ZNF703: variants seen among roughly 807,000 people sequenced by gnomAD.
ZNF703 encodes the protein zinc finger protein 703.
ZNF703 carries 18 observed loss-of-function variants against 30.7 expected under a neutral mutation model. The ratio of observed to expected loss-of-function variants is 0.59; its 90% CI spans 0.40 to 0.87. The LOEUF (loss-of-function observed/expected upper bound fraction) is 0.87, where lower values mean the gene tolerates loss of function less well. Among genes scored for constraint, ZNF703 ranks in the 40% least tolerant of loss-of-function variants. The pLI, the probability that ZNF703 is intolerant of heterozygous loss-of-function variation, is 0.00. For missense variants in ZNF703, 814 were observed against 847.8 expected (o/e 0.96, Z 0.50); for synonymous variants, 457 against 438.6 (o/e 1.04, Z -0.52).
At position 37,696,428 on chromosome 8, in the gene ZNF703, G is replaced by T. The variant is rs777811847; in HGVS notation, c.243+206G>T. ...TCCCCGTGGAAGGGTCTCCTTCCAC[G>T]CTCGCCCTTCGGAGCTCCGTGTTTT... On this transcript the variant is annotated intron_variant, in intron 1 of 1. Coordinates refer to ENST00000331569, the MANE Select transcript of ZNF703 (RefSeq NM_025069.3). This position sits in a 1 kb window ranked among gnomAD's most constrained non-coding sequence, Gnocchi z 8.2. 1.9e-3 allele frequency among the ~76,000 whole-genome samples: 293 copies of T among 152,148 alleles called. 1 individual carries two copies. Among genetic ancestry groups the T allele is most frequent in the Non-Finnish European group, 3.3e-3 (221 of 67,966 alleles).
intron 1 of ZNF703, 75 bp from the exon 2 acceptor site, chr8:37,697,055 GCCGCCGCCCAGCTCC>G: frequency 7.4e-7 from 1 of 1,357,924 alleles, no homozygotes. Context: ...GCCCCGTGGC[GCCGCCGCCCAGCTCC>G]CCGGGCGCCC....
chr8:37,697,485 C>G lies in ZNF703; in HGVS notation c.584C>G (p.Pro195Arg). 1 of 1,536,676 alleles carries G rather than the reference C, an allele frequency of 6.5e-7. No individual in the cohort carries two copies. Among genetic ancestry groups the G allele is most frequent in the Non-Finnish European group, 8.7e-7 (1 of 1,146,138 alleles). Residue 195 changes from proline to arginine, a missense_variant, in exon 2 of 2, where the codon CCC becomes CGC. Transcript: ENST00000331569. ...SPGDKAGFRV[P>R]SAACPPFPPH... ...GGAGACAAGGCGGGCTTCAGGGTCC[C>G]CAGCGCCGCCTGCCCGCCCTTTCCC...
At position 37,695,958 on chromosome 8, in the gene ZNF703, C is replaced by A; in HGVS notation, c.-22C>A. 2 of 1,482,158 alleles carry A rather than the reference C, an allele frequency of 1.3e-6. No homozygotes were observed. The highest frequency in any genetic ancestry group is 1.8e-6 in the Non-Finnish European group (2 of 1,114,744). 91.8% of individuals were successfully genotyped at this position (1,482,158 alleles called of 1,614,324 possible). ...GTGCTCCCCCGCCCTCCCCGCCCCCCCAGCGGCGCTGCCTCCTCCAAATGA... is the reference window on the plus strand; with the variant it reads ...GTGCTCCCCCGCCCTCCCCGCCCCCACAGCGGCGCTGCCTCCTCCAAATGA... On this transcript the variant is annotated 5_prime_UTR_variant, in exon 1 of 2. Coordinates refer to ENST00000331569, the MANE Select transcript of ZNF703 (RefSeq NM_025069.3).
At position 37,697,574 on chromosome 8, in the gene ZNF703, TC is replaced by T; in HGVS notation, c.677del (p.Pro226ArgfsTer33). 1 of 1,464,424 alleles carries T rather than the reference TC, an allele frequency of 6.8e-7. No individual in the cohort carries two copies. 90.7% of individuals were successfully genotyped at this position (1,464,424 alleles called of 1,614,324 possible). On this transcript the variant is annotated frameshift_variant, in exon 2 of 2. Coordinates refer to ENST00000331569, the MANE Select transcript of ZNF703 (RefSeq NM_025069.3). LOFTEE classifies it high-confidence loss of function. Reference sequence around the variant, plus strand: ...GTCGCCCGGCGGCTCCCGCGGCGGCTCCCCGCACCACTCTGACTGCAAGAAC... The same window carrying T: ...GTCGCCCGGCGGCTCCCGCGGCGGCTCCCGCACCACTCTGACTGCAAGAAC... ...SSSPGGSRGG[S>X]PHHSDCKNGG...
In ZNF703 at chr8:37,696,108, C is replaced by G. The variant is rs1445049980; in HGVS notation, c.129C>G (p.Arg43=). Reference sequence around the variant, plus strand: ...TCTTGCCACCGGCGGACCCCCTGCGCCAGGCGAACCGGCTCCCGATCAGGG... The same window carrying G: ...TCTTGCCACCGGCGGACCCCCTGCGGCAGGCGAACCGGCTCCCGATCAGGG... ...VSLLPPADPL[R]QANRLPIRVL... The change falls in exon 1 of 2, where the codon CGC becomes CGG. Residue 43 remains arginine, a synonymous_variant. Coordinates refer to ENST00000331569, the MANE Select transcript of ZNF703 (RefSeq NM_025069.3). The surrounding 1 kb of genome is among the most constrained non-coding windows in gnomAD (Gnocchi z 8.2). 14 of 1,604,440 alleles carry G rather than the reference C, an allele frequency of 8.7e-6. No homozygotes were observed. The African/African-American group carries it at 1.9e-4, about 21-fold the overall frequency.
In ZNF703 at chr8:37,697,565, C is replaced by G. The variant is rs540281736; in HGVS notation, c.664C>G (p.Arg222Gly). 4.1e-6 allele frequency: 6 copies of G among 1,467,446 alleles called. No individual in the cohort carries two copies. The highest frequency in any genetic ancestry group is 5.4e-6 in the Non-Finnish European group (6 of 1,115,020). The allele number at this position is 1,467,446 out of a possible 1,614,324, so 90.9% of individuals were successfully genotyped here. A position where few individuals can be genotyped will look rare whatever the true frequency, so the allele number is the denominator to read the frequency against. ...SSSSSSPGGS[R>G]GGSPHHSDCK... ...GTCCTCGTCGTCGCCCGGCGGCTCC[C>G]GCGGCGGCTCCCCGCACCACTCTGA... is the stretch of plus-strand genomic sequence containing the variant. Residue 222 changes from arginine to glycine, a missense_variant, in exon 2 of 2, where the codon CGC becomes GGC. By Grantham distance (125) the Arg-to-Gly change is moderately radical. Coordinates refer to ENST00000331569, the MANE Select transcript of ZNF703 (RefSeq NM_025069.3).
Position 37,695,905 on chromosome 8 carries a change from C to T in ZNF703, c.-75C>T, listed in dbSNP as rs977387427. The T allele has an allele frequency of 2.2e-4, 288 of 1,302,822 alleles. 1 individual carries two copies. In the Middle Eastern group the frequency reaches 5.6e-3, roughly 25 times the overall value. The allele number at this position is 1,302,822 out of a possible 1,614,324, so 80.7% of individuals were successfully genotyped here. ...CCGCGATCGACGCTGCGGAGCGAGC[C>T]CACCCGCCCCGGGAGCTCGCCTCCC... On this transcript the variant is annotated 5_prime_UTR_variant, in exon 1 of 2. Coordinates refer to ENST00000331569, the MANE Select transcript of ZNF703 (RefSeq NM_025069.3).
In ZNF703 at chr8:37,695,921, C is replaced by T; in HGVS notation, c.-59C>T. On this transcript the variant is annotated 5_prime_UTR_variant, in exon 1 of 2. Coordinates refer to ENST00000331569, the MANE Select transcript of ZNF703 (RefSeq NM_025069.3). The stretch of plus-strand genomic sequence containing the variant: ...GGAGCGAGCCCACCCGCCCCGGGAG[C>T]TCGCCTCCCCGGTGCTCCCCCGCCC... 1 of 1,319,528 alleles carries T rather than the reference C, an allele frequency of 7.6e-7. No homozygotes were observed. Among genetic ancestry groups the T allele is most frequent in the Middle Eastern group, 2.8e-4 (1 of 3,570 alleles). 81.7% of individuals were successfully genotyped at this position (1,319,528 alleles called of 1,614,324 possible). A position where few individuals can be genotyped will look rare whatever the true frequency, so the allele number is the denominator to read the frequency against.
Position 37,698,177 on chromosome 8 carries a change from G to C in ZNF703, c.1276G>C (p.Ala426Pro), listed in dbSNP as rs1187999652. The change falls in exon 2 of 2, where the codon GCC (alanine) becomes CCC (proline). Residue 426 changes from alanine (A) to proline (P), a missense_variant. Transcript: ENST00000331569. Reference protein sequence around the residue: ...LVYPGHPLQPAALSSSAAQAA... With the variant: ...LVYPGHPLQPPALSSSAAQAA... ...GTACCCCGGGCACCCGCTGCAGCCC[G>C]CCGCGCTCTCGTCCAGCGCCGCCCA... is the stretch of plus-strand genomic sequence containing the variant. The C allele has an allele frequency of 6.5e-7, 1 of 1,527,364 alleles. No individual in the cohort carries two copies. The highest frequency in any genetic ancestry group is 2.5e-5 in the East Asian group (1 of 40,054). The allele number at this position is 1,527,364 out of a possible 1,614,324, so 94.6% of individuals were successfully genotyped here.
At position 37,697,813 on chromosome 8, in the gene ZNF703, G is replaced by T. The variant is rs1443176998; in HGVS notation, c.912G>T (p.Ser304=). The change falls in exon 2 of 2, where the codon TCG becomes TCT. Residue 304 remains serine (S), a synonymous_variant. Coordinates refer to ENST00000331569, the MANE Select transcript of ZNF703 (RefSeq NM_025069.3). The part of the protein sequence containing the change: ...APVSPYKPGH[S]VFPLPPSSIG... ...TGTCTCCCTACAAGCCGGGCCACTC[G>T]GTGTTCCCGCTGCCGCCCTCCAGCA... The T allele has an allele frequency of 6.5e-7, 1 of 1,532,122 alleles. No individual in the cohort carries two copies. Among genetic ancestry groups the T allele is most frequent in the South Asian group, 1.2e-5 (1 of 83,480 alleles). 94.9% of individuals were successfully genotyped at this position (1,532,122 alleles called of 1,614,324 possible).
rs866011072 is a variant in ZNF703 at position 37,697,360 on chromosome 8, C to A, written c.459C>A (p.Ser153Arg). The change falls in exon 2 of 2, where the codon AGC (serine) becomes AGA (arginine). Residue 153 changes from serine (S) to arginine (R), a missense_variant. Ser to Arg is a moderately radical substitution (Grantham distance 110). Coordinates refer to ENST00000331569, the MANE Select transcript of ZNF703 (RefSeq NM_025069.3). ...LGDSPAEDKS[S>R]FKPYSKGSGG... ...ACTCACCGGCCGAGGACAAGTCCAG[C>A]TTCAAGCCCTACTCCAAGGGCTCCG... The A allele has an allele frequency of 6.4e-7, 1 of 1,560,494 alleles. No individual in the cohort carries two copies. Among genetic ancestry groups the A allele is most frequent in the South Asian group, 1.2e-5 (1 of 84,638 alleles).
rs1347967075 is a variant in ZNF703 at position 37,697,513 on chromosome 8, G to C, written c.612G>C (p.Pro204=). 2 of 1,520,752 alleles carry C rather than the reference G, an allele frequency of 1.3e-6. No homozygotes were observed. The highest frequency in any genetic ancestry group is 5.1e-5 in the East Asian group (2 of 38,954). 94.2% of individuals were successfully genotyped at this position (1,520,752 alleles called of 1,614,324 possible). A position where few individuals can be genotyped will look rare whatever the true frequency, so the allele number is the denominator to read the frequency against. Residue 204 remains proline (P), a synonymous_variant, in exon 2 of 2, where the codon CCG becomes CCC. Transcript: ENST00000331569. The part of the protein sequence containing the change: ...VPSAACPPFP[P]HGAPVSASSS... ...GCGCCGCCTGCCCGCCCTTTCCCCC[G>C]CATGGAGCGCCGGTCTCCGCATCCT...
chr8:37,698,107 C>G lies in ZNF703; in HGVS notation c.1206C>G (p.His402Gln), dbSNP rs1011530876. 1 of 1,486,918 alleles carries G rather than the reference C, an allele frequency of 6.7e-7. No homozygotes were observed. Among genetic ancestry groups the G allele is most frequent in the Non-Finnish European group, 9.0e-7 (1 of 1,106,682 alleles). The allele number at this position is 1,486,918 out of a possible 1,614,324, so 92.1% of individuals were successfully genotyped here. The change falls in exon 2 of 2, where the codon CAC (histidine) becomes CAG (glutamine). Residue 402 changes from histidine to glutamine, a missense_variant. His to Gln is a conservative substitution (Grantham distance 24). Coordinates refer to ENST00000331569, the MANE Select transcript of ZNF703 (RefSeq NM_025069.3). ...GGSSCSTCSAHDPAGPSLKAG... is the reference protein window; with the variant it reads ...GGSSCSTCSAQDPAGPSLKAG... ...CCAGCTGCTCCACCTGCAGCGCGCA[C>G]GACCCTGCCGGGCCCAGCCTGAAGG...
chr8:37,698,585 C>T lies in ZNF703; in HGVS notation c.1684C>T (p.Pro562Ser), dbSNP rs1802117051. 2 of 1,565,284 alleles carry T rather than the reference C, an allele frequency of 1.3e-6. No individual in the cohort carries two copies. Among genetic ancestry groups the T allele is most frequent in the South Asian group, 1.2e-5 (1 of 85,610 alleles). ...ATCCACAGCGGGGGGCCTGGCCGTG[C>T]CGTCCCTCCCCACAGCCGGACCCTA... ...HLSTAGGLAV[P>S]SLPTAGPYYS... Residue 562 changes from proline (P) to serine (S), a missense_variant, in exon 2 of 2, where the codon CCG becomes TCG. Physicochemically the swap from Pro to Ser is moderately conservative, Grantham distance 74. Transcript: ENST00000331569.
In ZNF703 at chr8:37,697,398, C is replaced by T. The variant is rs1484658389; in HGVS notation, c.497C>T (p.Ser166Phe). ...TCCAAGGGCTCCGGCGGCGGCGACTCCCGCAAAGACAGCGGCTCCTCCTCG... is the reference window on the plus strand; with the variant it reads ...TCCAAGGGCTCCGGCGGCGGCGACTTCCGCAAAGACAGCGGCTCCTCCTCG... The part of the protein sequence containing the change: ...PYSKGSGGGD[S>F]RKDSGSSSVS... The change falls in exon 2 of 2, where the codon TCC becomes TTC. Residue 166 changes from serine to phenylalanine, a missense_variant. Ser to Phe is a radical substitution (Grantham distance 155, BLOSUM62 -2). Transcript: ENST00000331569. 2.6e-6 allele frequency: 4 copies of T among 1,553,762 alleles called. No individual in the cohort carries two copies. In the African/African-American group the frequency reaches 5.5e-5, roughly 21 times the overall value.
In ZNF703 at chr8:37,698,982, G is replaced by A. The variant is rs1802124311; in HGVS notation, c.*308G>A. 3.3e-6 allele frequency: 1 copy of A among 302,246 alleles called. No homozygotes were observed. Among genetic ancestry groups the A allele is most frequent in the East Asian group, 5.5e-5 (1 of 18,296 alleles). 18.7% of individuals were successfully genotyped at this position (302,246 alleles called of 1,614,324 possible). Reference sequence around the variant, plus strand: ...TGTTCCTTTCTGTTATTTTTTCTTAGATATAAGTTTTACATTTTTTATTCC... The same window carrying A: ...TGTTCCTTTCTGTTATTTTTTCTTAAATATAAGTTTTACATTTTTTATTCC... On this transcript the variant is annotated 3_prime_UTR_variant, in exon 2 of 2. Coordinates refer to ENST00000331569, the MANE Select transcript of ZNF703 (RefSeq NM_025069.3).
At position 37,698,191 on chromosome 8, in the gene ZNF703, C is replaced by T; in HGVS notation, c.1290C>T (p.Ser430=). ...CGCTGCAGCCCGCCGCGCTCTCGTC[C>T]AGCGCCGCCCAGGCCGCGCTCCCCG... ...GHPLQPAALS[S]SAAQAALPGH... is the part of the protein sequence containing the mutation. Residue 430 remains serine (S), a synonymous_variant, in exon 2 of 2, where the codon TCC becomes TCT. Coordinates refer to ENST00000331569, the MANE Select transcript of ZNF703 (RefSeq NM_025069.3). 2 of 1,527,200 alleles carry T rather than the reference C, an allele frequency of 1.3e-6. No homozygotes were observed. The highest frequency in any genetic ancestry group is 1.2e-5 in the South Asian group (1 of 83,218). 94.6% of individuals were successfully genotyped at this position (1,527,200 alleles called of 1,614,324 possible).
chr8:37,699,625 A>T lies in ZNF703; in HGVS notation c.*951A>T, dbSNP rs1802136780. ...CCCGCTGGCGTGAAGCCGGCCCCTT[A>T]CATTTTGCGAAGTGCATTATAGTCC... is the stretch of plus-strand genomic sequence containing the variant. On this transcript the variant is annotated 3_prime_UTR_variant, in exon 2 of 2. Coordinates refer to ENST00000331569, the MANE Select transcript of ZNF703 (RefSeq NM_025069.3). 1 of 152,298 alleles carries T rather than the reference A, an allele frequency of 6.6e-6. No homozygotes were observed. Among genetic ancestry groups the T allele is most frequent in the East Asian group, 1.9e-4 (1 of 5,208 alleles). The allele number at this position is 152,298 out of a possible 1,614,324, so 9.4% of individuals were successfully genotyped here. A position where few individuals can be genotyped will look rare whatever the true frequency, so the allele number is the denominator to read the frequency against.
At position 37,698,344 on chromosome 8, in the gene ZNF703, A is replaced by G. The variant is rs755787894; in HGVS notation, c.1443A>G (p.Leu481=). ...CCTCGGAGGAGCTGCTCAGCCACCT[A>G]CGGACCCACACGGCCCTGCCGGGAG... The part of the protein sequence containing the change: ...FATSEELLSH[L]RTHTALPGAE... Residue 481 remains leucine, a synonymous_variant, in exon 2 of 2, where the codon CTA becomes CTG. Coordinates refer to ENST00000331569, the MANE Select transcript of ZNF703 (RefSeq NM_025069.3). 2.9e-4 allele frequency: 453 copies of G among 1,537,434 alleles called. No individual in the cohort carries two copies. Among genetic ancestry groups the G allele is most frequent in the Non-Finnish European group, 3.8e-4 (439 of 1,143,252 alleles).
Sources: allele counts gnomAD v4.1 joint callset (sites outside exome capture counted in the v4.1 genomes callset), GRCh38; gene constraint gnomAD v4.1.1; non-coding constraint Gnocchi (gnomAD v3.1); transcripts MANE v1.5; gene names NCBI Gene and HGNC (gene_info 2026-07-23, HGNC 2026-07-21).